The following AGMO variants were observed in gnomAD, a reference collection of about 807,000 sequenced individuals.
AGMO encodes the protein glyceryl-ether monooxygenase.
A neutral mutation model predicts 60.2 loss-of-function variants in AGMO; 75 were observed. That is an observed-to-expected ratio of 1.25 (90% CI 1.03 to 1.51). The LOEUF is 1.51. Ranked by LOEUF, AGMO falls within the 40% of genes most tolerant of loss-of-function variation. The pLI is 0.00. For missense variants in AGMO, 763 were observed against 525.5 expected, an observed-to-expected ratio of 1.45 and a Z score of -4.42; for synonymous variants, 261 against 177.1, an observed-to-expected ratio of 1.47 and a Z score of -3.76.
At chr7:15,443,889 T>G (rs1157675565) in intron 3 of AGMO, among the ~76,000 whole-genome samples, 1 of 152,206 alleles carries the variant, frequency 6.6e-6, no homozygotes, top group African/African-American at 2.4e-5. Context: ...CCTCTCCTTG[T>G]GCCATCTGTC....
rs753559065 is a variant in AGMO at position 15,209,369 on chromosome 7, CA to C, written c.1264-8011del. On this transcript the variant is annotated intron_variant, in intron 12 of 12. Transcript: ENST00000342526. ...TTGACTTTCTCTACCATGTAGGAAA[CA>C]AAAAAAAGTCTCAAAAAATGAGGTT... Among the ~76,000 whole-genome samples the C allele has an allele frequency of 1.8e-4, 25 of 138,062 alleles. No homozygotes were observed. The East Asian group carries it at 2.9e-3, about 16-fold the overall frequency. 90.6% of individuals were successfully genotyped at this position (138,062 alleles called of 152,430 possible).
At chr7:15,528,411 T>C (rs777879831) in intron 3 of AGMO, among the ~76,000 whole-genome samples, 1 of 152,104 alleles carries the variant, frequency 6.6e-6, no homozygotes, top group Non-Finnish European at 1.5e-5. Context: ...CAAAGTACAC[T>C]TGTGTTACCA....
intron 12 of AGMO, among the ~76,000 whole-genome samples, chr7:15,314,870 GA>G (rs1019558242): frequency 6.6e-6 from 1 of 151,626 alleles, no homozygotes; most frequent in Non-Finnish European, 1.5e-5. Context: ...AGGCAGAATA[GA>G]AAAAAAAGAT....
chr7:15,236,458 G>T (rs1229374110), intron 12 of AGMO, among the ~76,000 whole-genome samples: 1 of 152,056 alleles, frequency 6.6e-6, no homozygotes, highest in Non-Finnish European at 1.5e-5. Flanking sequence ...GGTAAGTGTG[G>T]CAAAGGAAGA....
At chr7:15,467,269 G>A (rs968783633) in intron 3 of AGMO, among the ~76,000 whole-genome samples, 1 of 152,122 alleles carries the variant, frequency 6.6e-6, no homozygotes, top group Admixed American at 6.6e-5. Flanking sequence ...AACATATTGA[G>A]TAGCTAAGGC....
chr7:15,471,300 A>G (rs1158308142), intron 3 of AGMO, among the ~76,000 whole-genome samples: 1 of 151,898 alleles, frequency 6.6e-6, no homozygotes, highest in Non-Finnish European at 1.5e-5. Context: ...TCTAAATTTA[A>G]TGTTTTCTGA....
intron 3 of AGMO, among the ~76,000 whole-genome samples, chr7:15,485,101 A>T (rs2128518916): frequency 6.7e-6 from 1 of 149,492 alleles, no homozygotes; most frequent in South Asian, 2.1e-4. Context: ...ATTCGAGACC[A>T]GCCTGGCCAA....
intron 12 of AGMO, among the ~76,000 whole-genome samples, chr7:15,315,320 G>T (rs1344023737): frequency 7.5e-6 from 1 of 133,242 alleles, no homozygotes; most frequent in Non-Finnish European, 1.6e-5. Context: ...AACTTACATG[G>T]ATATTTGCTT....
intron 3 of AGMO, among the ~76,000 whole-genome samples, chr7:15,537,003 T>A (rs1784500143): frequency 6.6e-6 from 1 of 152,060 alleles, no homozygotes; most frequent in Non-Finnish European, 1.5e-5. Flanking sequence ...CAAATTCTTT[T>A]TCTGAATAAA....
At chr7:15,209,462 G>A (rs1192176394) in intron 12 of AGMO, among the ~76,000 whole-genome samples, 1 of 152,142 alleles carries the variant, frequency 6.6e-6, no homozygotes, top group African/African-American at 2.4e-5. Flanking sequence ...AAATAAGACA[G>A]CCTATCTTGA....
the AGMO span, among the ~76,000 whole-genome samples, chr7:15,152,692 G>A: frequency 6.6e-6 from 1 of 152,118 alleles, no homozygotes; most frequent in Non-Finnish European, 1.5e-5. Context: ...ACTTATGGCT[G>A]AGTGGTATTC....
In AGMO at chr7:15,385,464, C is replaced by A; in HGVS notation, c.1056G>T (p.Glu352Asp). Residue 352 changes from glutamate (E) to aspartate (D), a missense_variant, in exon 10 of 13, where the codon GAG becomes GAT. Glu to Asp is a conservative substitution (Grantham distance 45). Transcript: ENST00000342526. ...QFALMLAFYEETFADTAALSQ... is the reference protein window; with the variant it reads ...QFALMLAFYEDTFADTAALSQ... ...TACTTACAGCTGTATCTGCAAAGGT[C>A]TCTTCATAAAATGCCAACATCAGAG... 6.3e-7 allele frequency: 1 copy of A among 1,593,924 alleles called. No homozygotes were observed. Among genetic ancestry groups the A allele is most frequent in the South Asian group, 1.1e-5 (1 of 90,494 alleles).
chr7:15,546,328 C>G (rs1303074107), intron 2 of AGMO, among the ~76,000 whole-genome samples: 2 of 152,158 alleles, frequency 1.3e-5, no homozygotes. Context: ...AACTCAATCT[C>G]CAATTTGAGA....
chr7:15,425,938 A>T (rs1377222246), intron 4 of AGMO, among the ~76,000 whole-genome samples: 2 of 152,184 alleles, frequency 1.3e-5, no homozygotes, highest in African/African-American at 4.8e-5. Flanking sequence ...TTCATTTGTC[A>T]TTAATTTATT....
chr7:15,540,229 T>C (rs971957109), intron 3 of AGMO, among the ~76,000 whole-genome samples: 2 of 152,118 alleles, frequency 1.3e-5, no homozygotes, highest in African/African-American at 4.8e-5. Flanking sequence ...GACTCAGACA[T>C]CTCTGGAGAG....
In AGMO at chr7:15,555,290, TATACACACACAC is replaced by T. The variant is rs1207559305; in HGVS notation, c.257+4839_257+4850del. On this transcript the variant is annotated intron_variant, in intron 2 of 12. Transcript: ENST00000342526. ...TGGATCATATATATATATATATATATATACACACACACACACACACACACACACACACACACA... is the reference window on the plus strand; with the variant it reads ...TGGATCATATATATATATATATATATACACACACACACACACACACACACA... Among the ~76,000 whole-genome samples the T allele has an allele frequency of 1.8e-3, 187 of 103,628 alleles. 3 individuals carry two copies. The highest frequency in any genetic ancestry group is 7.1e-3 in the African/African-American group (129 of 18,126). 68.0% of individuals were successfully genotyped at this position (103,628 alleles called of 152,430 possible).
chr7:15,292,814 G>A (rs906483125), intron 12 of AGMO, among the ~76,000 whole-genome samples: 3 of 131,018 alleles, frequency 2.3e-5, no homozygotes, highest in South Asian at 4.9e-4. Context: ...CTGGAGTGCA[G>A]TGGCGTGATC....
intron 5 of AGMO, among the ~76,000 whole-genome samples, chr7:15,407,005 A>C (rs965310580): frequency 6.9e-6 from 1 of 143,950 alleles, no homozygotes; most frequent in African/African-American, 2.5e-5. Context: ...TATATGGAAT[A>C]TACATATATA....
intron 11 of AGMO, among the ~76,000 whole-genome samples, chr7:15,365,867 C>G (rs939998108): frequency 6.6e-6 from 1 of 151,868 alleles, no homozygotes. Context: ...TTATTTTCAG[C>G]TAATAAATAT....
Sources: gnomAD v4.1 joint callset for allele counts (sites outside exome capture counted in the v4.1 genomes callset) on GRCh38, gnomAD v4.1.1 for gene constraint, MANE v1.5 for transcripts, NCBI Gene and HGNC (gene_info 2026-07-23, HGNC 2026-07-21) for gene names.